The following CFAP61 variants were observed in gnomAD, a reference collection of about 807,000 sequenced individuals.
CFAP61 encodes the protein cilia- and flagella-associated protein 61.
In CFAP61, 107 loss-of-function variants were observed where a neutral mutation model predicts 135.6. The observed-to-expected ratio is 0.79, with a 90% CI of 0.67 to 0.93. The LOEUF is 0.93. Ranked by LOEUF, CFAP61 falls within the 40% of genes least tolerant of loss-of-function variation. CFAP61 has a pLI of 0.00. For synonymous variants in CFAP61, 575 were observed against 578.5 expected, an observed-to-expected ratio of 0.99 and a Z score of 0.09; for missense variants, 1,507 against 1,556.2, an observed-to-expected ratio of 0.97 and a Z score of 0.53.
At chr20:20,211,982 A>G (rs768590016) in intron 17 of CFAP61, among the ~76,000 whole-genome samples, 1 of 152,148 alleles carries the variant, frequency 6.6e-6, no homozygotes, top group Non-Finnish European at 1.5e-5. Flanking sequence ...GGATTTGAGT[A>G]TTATCTGTCA....
chr20:20,183,447 C>G (rs1312923279), intron 13 of CFAP61, among the ~76,000 whole-genome samples: 2 of 152,180 alleles, frequency 1.3e-5, no homozygotes, highest in Admixed American at 1.3e-4. Flanking sequence ...CAGGTGTGAG[C>G]CACCTCACCC....
chr20:20,075,703 C>A, intron 6 of CFAP61, 88 bp downstream of exon 6: 1 of 1,470,546 alleles, frequency 6.8e-7, no homozygotes. Flanking sequence ...TGCTAAGTGA[C>A]TATAGCTTAG....
At chr20:20,269,234 T>C (rs1163705985) in intron 21 of CFAP61, among the ~76,000 whole-genome samples, 3 of 144,132 alleles carry the variant, frequency 2.1e-5, no homozygotes, top group Non-Finnish European at 4.6e-5. Context: ...TATATGTATA[T>C]ATATACACGT....
chr20:20,354,975 GA>G (rs1183668499), intron 26 of CFAP61, among the ~76,000 whole-genome samples: 1 of 150,858 alleles, frequency 6.6e-6, no homozygotes, highest in Non-Finnish European at 1.5e-5. Flanking sequence ...CACACTGTGA[GA>G]GGGGAGGTGG....
At chr20:20,294,876 C>G (rs1196894000) in intron 24 of CFAP61, among the ~76,000 whole-genome samples, 3 of 150,422 alleles carry the variant, frequency 2.0e-5, no homozygotes, top group East Asian at 1.9e-4. Context: ...TGCAGTGAGC[C>G]GAGATTGCGC....
intron 17 of CFAP61, among the ~76,000 whole-genome samples, chr20:20,218,424 C>T (rs536000846): frequency 6.6e-6 from 1 of 152,318 alleles, no homozygotes; most frequent in South Asian, 2.1e-4. Context: ...CCAATTAAAC[C>T]TCTTTCTTTT....
chr20:20,246,549 A>G (rs2146975539), intron 19 of CFAP61, among the ~76,000 whole-genome samples: 1 of 152,290 alleles, frequency 6.6e-6, no homozygotes, highest in Non-Finnish European at 1.5e-5. Context: ...TTTGCATCTG[A>G]CAGGGCGCCT....
intron 11 of CFAP61, 84 bp downstream of exon 11, chr20:20,164,312 G>A: frequency 7.3e-7 from 1 of 1,374,158 alleles, no homozygotes; most frequent in East Asian, 2.4e-5. Context: ...TACAGAGCCA[G>A]TAATTTCCAA....
intron 2 of CFAP61, among the ~76,000 whole-genome samples, chr20:20,069,437 AC>A (rs1416655693): frequency 6.6e-6 from 1 of 151,908 alleles, no homozygotes; most frequent in Non-Finnish European, 1.5e-5. Flanking sequence ...GTACCACCAC[AC>A]CCGGCTAATT....
chr20:20,235,004 A>G (rs1852614437), intron 18 of CFAP61, among the ~76,000 whole-genome samples: 1 of 152,110 alleles, frequency 6.6e-6, no homozygotes, highest in African/African-American at 2.4e-5. Context: ...TTGCATGTCT[A>G]GATCCCCATG....
chr20:20,232,817 G>C (rs761040197), intron 18 of CFAP61: 1 of 152,250 alleles, frequency 6.6e-6, no homozygotes, highest in Non-Finnish European at 1.5e-5. Flanking sequence ...ATGGATGACA[G>C]TGACTGAAAG....
At chr20:20,158,275 A>G (rs2053111566) in intron 9 of CFAP61, among the ~76,000 whole-genome samples, 2 of 152,050 alleles carry the variant, frequency 1.3e-5, no homozygotes, top group South Asian at 4.2e-4. Flanking sequence ...ATCAAATGAA[A>G]AAAAAAATGT....
chr20:20,273,474 A>G (rs565359080), intron 21 of CFAP61, among the ~76,000 whole-genome samples: 83 of 152,328 alleles, frequency 5.4e-4, no homozygotes, highest in African/African-American at 1.9e-3. Context: ...AAGCAGAAAT[A>G]TGTGCTGGGA....
chr20:20,077,659 C>T (rs904324438), intron 6 of CFAP61, among the ~76,000 whole-genome samples: 3 of 152,174 alleles, frequency 2.0e-5, no homozygotes, highest in African/African-American at 7.2e-5. Flanking sequence ...GTAAGATGTG[C>T]ATTGGTTCAG....
intron 25 of CFAP61, among the ~76,000 whole-genome samples, chr20:20,323,715 A>G (rs2057633023): frequency 6.6e-6 from 1 of 152,206 alleles, no homozygotes; most frequent in East Asian, 1.9e-4. Flanking sequence ...TAAAAGTAGT[A>G]CATGATCATT....
At chr20:20,136,211 GT>G (rs1228012618) in intron 8 of CFAP61, among the ~76,000 whole-genome samples, 1 of 152,024 alleles carries the variant, frequency 6.6e-6, no homozygotes, top group African/African-American at 2.4e-5. Flanking sequence ...ATGCCTCGAG[GT>G]AGTCTTCTTT....
chr20:20,237,812 G>C (rs1000576012), intron 18 of CFAP61, among the ~76,000 whole-genome samples: 4 of 152,160 alleles, frequency 2.6e-5, no homozygotes, highest in African/African-American at 9.7e-5. Flanking sequence ...ATGTGCCCCT[G>C]AAATCTCTTT....
intron 25 of CFAP61, among the ~76,000 whole-genome samples, chr20:20,341,558 A>G (rs2058445530): frequency 6.6e-6 from 1 of 152,226 alleles, no homozygotes; most frequent in Non-Finnish European, 1.5e-5. Flanking sequence ...ACAAGTCTTC[A>G]GGCTTTTAAA....
rs557315484 is a variant in CFAP61, at chr20:20,200,938, G to T, written c.1932+1036G>T. The T allele has an allele frequency of 3.0e-6, 3 of 985,390 alleles. No individual in the cohort carries two copies. The South Asian group carries it at 1.4e-4, about 46-fold the overall frequency. The allele number at this position is 985,390 out of a possible 1,614,324, so 61.0% of individuals were successfully genotyped here. ...GCACCTCCATCAGACCAACTCAGAG[G>T]CAGCTTTGTGTCTTACATTCATCTT... On this transcript the variant is annotated intron_variant, in intron 17 of 26. Coordinates refer to ENST00000245957, the MANE Select transcript of CFAP61 (RefSeq NM_015585.4).
Sources: gnomAD v4.1 joint callset for allele counts (sites outside exome capture counted in the v4.1 genomes callset) on GRCh38, gnomAD v4.1.1 for gene constraint, MANE v1.5 for transcripts, NCBI Gene and HGNC (gene_info 2026-07-23, HGNC 2026-07-21) for gene names.